TUBGCP6: variants seen among roughly 807,000 people sequenced by gnomAD.
The protein encoded by TUBGCP6 is tubulin gamma complex component 6.
Under a neutral mutation model 175.8 loss-of-function variants are expected in TUBGCP6, and 161 were observed. The ratio of observed to expected loss-of-function variants is 0.92; its 90% CI spans 0.81 to 1.04. The LOEUF is 1.04. Among genes scored for constraint, TUBGCP6 ranks in the 50% least tolerant of loss-of-function variants. The pLI, the probability that TUBGCP6 is intolerant of heterozygous loss-of-function variation, is 0.00. For synonymous variants in TUBGCP6, 1,173 were observed against 1,030.5 expected (o/e 1.14, Z -2.65); for missense variants, 2,572 against 2,433.0 (o/e 1.06, Z -1.20).
At chr22:50,238,978 A>C (rs1282322674) in intron 2 of TUBGCP6, among the ~76,000 whole-genome samples, 2 of 152,136 alleles carry the variant, frequency 1.3e-5, no homozygotes, top group Non-Finnish European at 2.9e-5. Context: ...TGATGTCAGG[A>C]AAGCTCGCCC....
In TUBGCP6 at chr22:50,225,851, G is replaced by A; in HGVS notation, c.1926C>T (p.Val642=). The A allele has an allele frequency of 6.2e-7, 1 of 1,613,898 alleles. No homozygotes were observed. The highest frequency in any genetic ancestry group is 8.5e-7 in the Non-Finnish European group (1 of 1,180,004). ...ELKEIEKDCA[V]YVGRMERVAR... The stretch of plus-strand genomic sequence containing the variant: ...CCACCCTCTCCATGCGCCCAACGTA[G>A]ACGGCACAGTCCTTCTCAATCTCCT... The change falls in exon 10 of 25, where the codon GTC becomes GTT. Residue 642 remains valine, a synonymous_variant. Coordinates refer to ENST00000248846, the MANE Select transcript of TUBGCP6 (RefSeq NM_020461.4).
At chr22:50,231,773 T>C (rs2064696262) in intron 3 of TUBGCP6, among the ~76,000 whole-genome samples, 1 of 145,618 alleles carries the variant, frequency 6.9e-6, no homozygotes, top group Non-Finnish European at 1.5e-5. Context: ...GGCAGGAGAA[T>C]GGTGTGAACC....
chr22:50,222,676 C>T, intron 13 of TUBGCP6, 84 bp from the exon 14 acceptor site: 1 of 1,562,522 alleles, frequency 6.4e-7, no homozygotes, highest in Non-Finnish European at 8.6e-7. Flanking sequence ...GGATGGTTCT[C>T]CATAACAGAG....
At position 50,219,957 on chromosome 22, in the gene TUBGCP6, CTG is replaced by C. The variant is rs752869602; in HGVS notation, c.4165_4166del (p.Gln1389GlyfsTer13). ...DLSPNWPLNS[Q>X]EDTAAQSSPG... ...GACCCCCAGGCTGCATCCACCTAAC[CTG>C]TGAGTTGAGAGGCCAATTTGGAGAG... On this transcript the variant is annotated frameshift_variant and splice_region_variant, in exon 17 of 25. Transcript: ENST00000248846. LOFTEE classifies it high-confidence loss of function. 2.1e-5 allele frequency: 34 copies of C among 1,613,944 alleles called. No individual in the cohort carries two copies. Among genetic ancestry groups the C allele is most frequent in the Non-Finnish European group, 2.7e-5 (32 of 1,179,976 alleles).
In TUBGCP6 at chr22:50,218,382, C is replaced by T. The variant is rs763283055; in HGVS notation, c.4975G>A (p.Gly1659Ser). The T allele has an allele frequency of 1.7e-5, 27 of 1,612,948 alleles. No homozygotes were observed. Among genetic ancestry groups the T allele is most frequent in the Admixed American group, 1.2e-4 (7 of 60,010 alleles). ...TGCAGCTGACGGAACTGCACAGAGC[C>T]GGCCATGTGGCTCAGCAGGGCTGGC... is the stretch of plus-strand genomic sequence containing the variant. ...KRTALLSHMA[G>S]SVQFRQLQLF... Residue 1659 changes from glycine to serine, a missense_variant, in exon 23 of 25, where the codon GGC becomes AGC. Physicochemically the swap from Gly to Ser is moderately conservative, Grantham distance 56 (BLOSUM62 0). Coordinates refer to ENST00000248846, the MANE Select transcript of TUBGCP6 (RefSeq NM_020461.4).
Position 50,233,421 on chromosome 22 carries a change from G to A in TUBGCP6, c.1011C>T (p.Gly337=), listed in dbSNP as rs368083408. Reference sequence around the variant, plus strand: ...GCACGGGCTGCGGGGCCTGTAGGACGCCCCCAGCAAGCAGCTGGAGCTCCC... The same window carrying A: ...GCACGGGCTGCGGGGCCTGTAGGACACCCCCAGCAAGCAGCTGGAGCTCCC... ...HQGELQLLAG[G]VLQAPQPVLV... is the part of the protein sequence containing the mutation. The change falls in exon 3 of 25, where the codon GGC becomes GGT. Residue 337 remains glycine, a synonymous_variant. Transcript: ENST00000248846. 34 of 1,613,780 alleles carry A rather than the reference G, an allele frequency of 2.1e-5. 1 individual carries two copies. The Middle Eastern group carries it at 1.5e-3, about 71-fold the overall frequency.
intron 3 of TUBGCP6, among the ~76,000 whole-genome samples, chr22:50,231,513 C>A (rs2064691590): frequency 6.6e-6 from 1 of 151,594 alleles, no homozygotes; most frequent in South Asian, 2.1e-4. Context: ...AAAAAGCTGG[C>A]TCTTTGAAAA....
chr22:50,235,770 A>G (rs1040390305), intron 2 of TUBGCP6, among the ~76,000 whole-genome samples: 2 of 151,954 alleles, frequency 1.3e-5, no homozygotes, highest in East Asian at 3.9e-4. Flanking sequence ...TGAAACCCTG[A>G]CTCTACTAAA....
rs1243997337 is a variant in TUBGCP6, at chr22:50,225,706, C to A, written c.1983+88G>T. On this transcript the variant is annotated intron_variant, in intron 10 of 24. Transcript: ENST00000248846. ...CCAGAAGGGAGGCCCCCATCTTGCA[C>A]AGCCCTCATGTCCGCCCCACCAACC... 6 of 1,495,150 alleles carry A rather than the reference C, an allele frequency of 4.0e-6. No homozygotes were observed. The Admixed American group carries it at 1.1e-4, about 27-fold the overall frequency. 92.6% of individuals were successfully genotyped at this position (1,495,150 alleles called of 1,614,324 possible).
rs147321582 is a variant in TUBGCP6 at position 50,243,779 on chromosome 22, G to A, written c.681C>T (p.Asp227=). ...GCACGGGGGGCAGGCCCAGTCGGAC[G>A]TCCATGTCATAAGTGCGGCTGTGCA... The part of the protein sequence containing the change: ...ALVHSRTYDM[D]VRLGLPPVPD... Residue 227 remains aspartate (D), a synonymous_variant, in exon 1 of 25, where the codon GAC becomes GAT. Coordinates refer to ENST00000248846, the MANE Select transcript of TUBGCP6 (RefSeq NM_020461.4). The A allele has an allele frequency of 0.01, 16,549 of 1,613,570 alleles. 153 individuals carry two copies. Among genetic ancestry groups the A allele is most frequent in the Middle Eastern group, 0.047 (284 of 6,062 alleles).
Position 50,219,208 on chromosome 22 carries a change from T to G in TUBGCP6, c.4486A>C (p.Ile1496Leu). ...RSITAPLAAH[I>L]SLVNKAAVDY... ...ACAGCGGCCTTGTTCACCAAGGAGA[T>G]GCTGGCAGGAGGGAGCTGGAGTCAG... The change falls in exon 20 of 25, where the codon ATC (isoleucine) becomes CTC (leucine). Residue 1496 changes from isoleucine (I) to leucine (L), a missense_variant and splice_region_variant. By Grantham distance (5) the Ile-to-Leu change is conservative. Coordinates refer to ENST00000248846, the MANE Select transcript of TUBGCP6 (RefSeq NM_020461.4). The G allele has an allele frequency of 1.2e-6, 2 of 1,611,088 alleles. No individual in the cohort carries two copies. The highest frequency in any genetic ancestry group is 2.2e-5 in the South Asian group (2 of 91,048).
In TUBGCP6 at chr22:50,220,651, C is replaced by G; in HGVS notation, c.3708G>C (p.Arg1236=). The G allele has an allele frequency of 6.2e-7, 1 of 1,609,198 alleles. No individual in the cohort carries two copies. The highest frequency in any genetic ancestry group is 8.5e-7 in the Non-Finnish European group (1 of 1,179,324). ...GENVSDVAPI[R]SRCNTHGHVS... The stretch of plus-strand genomic sequence containing the variant: ...CGTGTCCATGGGTGTTGCACCGTGA[C>G]CGGATGGGAGCCACGTCCGATACGT... The change falls in exon 16 of 25, where the codon CGG becomes CGC. Residue 1236 remains arginine (R), a synonymous_variant. Coordinates refer to ENST00000248846, the MANE Select transcript of TUBGCP6 (RefSeq NM_020461.4).
intron 3 of TUBGCP6, among the ~76,000 whole-genome samples, chr22:50,231,589 A>G (rs907320724): frequency 5.3e-5 from 8 of 151,920 alleles, no homozygotes; most frequent in Non-Finnish European, 1.2e-4. Flanking sequence ...GCCAGGCACG[A>G]TGGCTCACGC....
Position 50,220,962 on chromosome 22 carries a change from T to C in TUBGCP6, c.3397A>G (p.Thr1133Ala). Residue 1133 changes from threonine (T) to alanine (A), a missense_variant, in exon 16 of 25, where the codon ACC becomes GCC. By Grantham distance (58) the Thr-to-Ala change is moderately conservative. Coordinates refer to ENST00000248846, the MANE Select transcript of TUBGCP6 (RefSeq NM_020461.4). ...DVAPTRPRWN[T>A]HGHVSNASIR... ...CTGGCGTTGGACACGTGCCCGTGGG[T>C]ATTCCACCGTGGCCTGGTGGGAGCC... 1 of 1,606,306 alleles carries C rather than the reference T, an allele frequency of 6.2e-7. No individual in the cohort carries two copies. Among genetic ancestry groups the C allele is most frequent in the Non-Finnish European group, 8.5e-7 (1 of 1,175,656 alleles).
In TUBGCP6 at chr22:50,240,271, C is replaced by G. The variant is rs201399776; in HGVS notation, c.838G>C (p.Val280Leu). Reference sequence around the variant, plus strand: ...GTAAGTGCGGCTTCCCACAGGTCCACGTCTGGGGTCACGCTGGGCTCAGAC... The same window carrying G: ...GTAAGTGCGGCTTCCCACAGGTCCAGGTCTGGGGTCACGCTGGGCTCAGAC... The part of the protein sequence containing the change: ...SQSEPSVTPD[V>L]DLWEAALTYE... The change falls in exon 2 of 25, where the codon GTG (valine) becomes CTG (leucine). Residue 280 changes from valine to leucine, a missense_variant. Physicochemically the swap from Val to Leu is conservative, Grantham distance 32 (BLOSUM62 1). Transcript: ENST00000248846. 1.2e-5 allele frequency: 20 copies of G among 1,614,032 alleles called. No individual in the cohort carries two copies. The Admixed American group carries it at 1.8e-4, about 15-fold the overall frequency.
intron 2 of TUBGCP6, among the ~76,000 whole-genome samples, chr22:50,239,668 A>G (rs781054745): frequency 6.6e-6 from 1 of 152,222 alleles, no homozygotes; most frequent in Non-Finnish European, 1.5e-5. Context: ...CTCATCACCC[A>G]GACTGCCCCT....
chr22:50,221,464 A>C lies in TUBGCP6; in HGVS notation c.2895T>G (p.Pro965=). Residue 965 remains proline, a synonymous_variant, in exon 16 of 25, where the codon CCT becomes CCG. Transcript: ENST00000248846. ...TVLRPAVATS[P]APGPLQAAEC... is the part of the protein sequence containing the mutation. The stretch of plus-strand genomic sequence containing the variant: ...CTGCAGCCTGCAGGGGCCCTGGTGC[A>C]GGTGAGGTGGCCACAGCTGGCCTCA... 1.3e-6 allele frequency: 2 copies of C among 1,593,532 alleles called. No homozygotes were observed. The highest frequency in any genetic ancestry group is 2.2e-5 in the South Asian group (2 of 89,124).
chr22:50,227,024 C>T lies in TUBGCP6; in HGVS notation c.1466G>A (p.Gly489Glu), dbSNP rs140797691. Residue 489 changes from glycine (G) to glutamate (E), a missense_variant, in exon 6 of 25, where the codon GGA becomes GAA. Gly to Glu is a moderately conservative substitution (Grantham distance 98). Coordinates refer to ENST00000248846, the MANE Select transcript of TUBGCP6 (RefSeq NM_020461.4). ...VGAVLPGTCG[G>E]GPRAAFPTGV... is the part of the protein sequence containing the mutation. ...GGTGGGAAACGCGGCCCTGGGGCCTCCTCCACAGGTGCCCGGGAGCACAGC... is the reference window on the plus strand; with the variant it reads ...GGTGGGAAACGCGGCCCTGGGGCCTTCTCCACAGGTGCCCGGGAGCACAGC... 3.7e-6 allele frequency: 6 copies of T among 1,612,380 alleles called. No individual in the cohort carries two copies. The African/African-American group carries it at 8.0e-5, about 22-fold the overall frequency.
chr22:50,224,345 A>C lies in TUBGCP6; in HGVS notation c.2141T>G (p.Val714Gly). 1 of 1,614,172 alleles carries C rather than the reference A, an allele frequency of 6.2e-7. No homozygotes were observed. Among genetic ancestry groups the C allele is most frequent in the Non-Finnish European group, 8.5e-7 (1 of 1,180,016 alleles). The change falls in exon 12 of 25, where the codon GTG becomes GGG. Residue 714 changes from valine (V) to glycine (G), a missense_variant. Val to Gly is a moderately radical substitution (Grantham distance 109). Coordinates refer to ENST00000248846, the MANE Select transcript of TUBGCP6 (RefSeq NM_020461.4). ...GGTCCTACCCACCTCCTGGTCCTTC[A>C]CAAATTGTTCTTTCAGCCTCTGAAA... The part of the protein sequence containing the change: ...EQFQRLKEQF[V>G]KDQERRQAAR...
Sources: gnomAD v4.1 joint callset for allele counts (sites outside exome capture counted in the v4.1 genomes callset) on GRCh38, gnomAD v4.1.1 for gene constraint, MANE v1.5 for transcripts, NCBI Gene and HGNC (gene_info 2026-07-23, HGNC 2026-07-21) for gene names.